The following ATP1A1 variants were observed in gnomAD, a reference collection of about 807,000 sequenced individuals.
ATP1A1 encodes the protein sodium/potassium-transporting ATPase subunit alpha-1.
ATP1A1 carries 14 observed loss-of-function variants against 114.8 expected under a neutral mutation model. The observed-to-expected ratio is 0.12, with a 90% confidence interval of 0.08 to 0.19. ATP1A1 has a LOEUF of 0.19. Ranked by LOEUF, ATP1A1 falls within the 10% of genes least tolerant of loss-of-function variation. The pLI is 1.00. For synonymous variants in ATP1A1, 471 were observed against 466.3 expected, an observed-to-expected ratio of 1.01 and a Z score of -0.13; for missense variants, 524 against 1,290.7, an observed-to-expected ratio of 0.41 and a Z score of 9.10.
chr1:116,390,477 A>C, intron 9 of ATP1A1, 66 bp downstream of exon 9: 1 of 1,463,088 alleles, frequency 6.8e-7, no homozygotes, highest in South Asian at 1.3e-5. Context: ...TTCTTTTAAG[A>C]AATTGCATGA....
At position 116,393,590 on chromosome 1, in the gene ATP1A1, C is replaced by T. The variant is rs367957404; in HGVS notation, c.1527C>T (p.Gly509=). The T allele has an allele frequency of 6.1e-5, 98 of 1,614,014 alleles. No homozygotes were observed. The African/African-American group carries it at 8.3e-4, about 14-fold the overall frequency. ...SEPQHLLVMK[G]APERILDRCS... is the part of the protein sequence containing the mutation. ...CCCAACACCTGTTGGTGATGAAGGG[C>T]GCCCCAGAAAGGATCCTAGACCGTT... The change falls in exon 12 of 23, where the codon GGC becomes GGT. Residue 509 remains glycine, a synonymous_variant. Coordinates refer to ENST00000295598, the MANE Select transcript of ATP1A1 (RefSeq NM_000701.8). The surrounding 1 kb of genome is among the most constrained non-coding windows in gnomAD (Gnocchi z 5.0).
intron 10 of ATP1A1, among the ~76,000 whole-genome samples, chr1:116,391,155 C>A (rs189711309): frequency 6.6e-6 from 1 of 152,150 alleles, no homozygotes; most frequent in African/African-American, 2.4e-5. Context: ...GGGGAGGAGA[C>A]GGAAGACAGT....
At position 116,401,105 on chromosome 1, in the gene ATP1A1, T is replaced by G; in HGVS notation, c.2719-25T>G. On this transcript the variant is annotated intron_variant, in intron 19 of 22. Transcript: ENST00000295598. The surrounding 1 kb of genome is among the most constrained non-coding windows in gnomAD (Gnocchi z 4.7). ...AGCCATGCAGGTGAAGAGCCAGAGC[T>G]CATCTTCTGTCTTCTGCATTTCAGA... 3 of 1,613,794 alleles carry G rather than the reference T, an allele frequency of 1.9e-6. No homozygotes were observed. Among genetic ancestry groups the G allele is most frequent in the Non-Finnish European group, 2.5e-6 (3 of 1,179,690 alleles).
At chr1:116,386,464 G>C (rs1652102302) in intron 3 of ATP1A1, among the ~76,000 whole-genome samples, 1 of 152,204 alleles carries the variant, frequency 6.6e-6, no homozygotes, top group African/African-American at 2.4e-5. Context: ...ACTGAATTCA[G>C]TTCCTGGCAT....
chr1:116,394,660 A>C (rs1652759475), intron 12 of ATP1A1, among the ~76,000 whole-genome samples: 1 of 152,176 alleles, frequency 6.6e-6, no homozygotes. Flanking sequence ...ATGATGTCCC[A>C]CATTGGTGCT....
intron 1 of ATP1A1, 48 bp downstream of exon 1, chr1:116,373,571 G>T: frequency 7.2e-7 from 1 of 1,395,630 alleles, no homozygotes; most frequent in Non-Finnish European, 9.3e-7. Flanking sequence ...GCCCTCGAGG[G>T]GAAGAGGAGG....
At chr1:116,396,446 TA>T (rs1652939825) in intron 13 of ATP1A1, 151 bp from the exon 14 acceptor site, 1 of 973,200 alleles carries the variant, frequency 1.0e-6, no homozygotes, top group East Asian at 2.9e-5. Flanking sequence ...TATTTTTGGC[TA>T]ATCGATGTTT....
At chr1:116,390,967 A>C (rs1320639701) in intron 10 of ATP1A1, 76 bp downstream of exon 10, 5 of 1,306,306 alleles carry the variant, frequency 3.8e-6, no homozygotes, top group Non-Finnish European at 5.5e-6. Context: ...AAAGTAGCAA[A>C]TTACCTTTGT....
At chr1:116,380,551 G>A (rs1337191443) in intron 1 of ATP1A1, among the ~76,000 whole-genome samples, 13 of 152,124 alleles carry the variant, frequency 8.5e-5, no homozygotes. Flanking sequence ...TTCTAAATCT[G>A]TCATATCTAT....
At chr1:116,375,310 TTTAACA>T (rs1301718590) in intron 1 of ATP1A1, among the ~76,000 whole-genome samples, 1 of 152,210 alleles carries the variant, frequency 6.6e-6, no homozygotes, top group African/African-American at 2.4e-5. Flanking sequence ...GCATTTACTC[TTTAACA>T]TTGAGTTCTT....
intron 1 of ATP1A1, among the ~76,000 whole-genome samples, chr1:116,378,089 T>G (rs888850349): frequency 9.9e-5 from 15 of 152,234 alleles, no homozygotes; most frequent in African/African-American, 3.4e-4. Context: ...CCTCATTAGT[T>G]GTGCTGAAAT....
intron 21 of ATP1A1, among the ~76,000 whole-genome samples, chr1:116,402,585 A>G (rs1417626810): frequency 2.0e-5 from 3 of 151,106 alleles, no homozygotes; most frequent in African/African-American, 7.4e-5. Context: ...TGGCATCCAG[A>G]GTCAGTCTCA....
At chr1:116,402,408 A>T (rs1653563849) in intron 21 of ATP1A1, among the ~76,000 whole-genome samples, 1 of 152,176 alleles carries the variant, frequency 6.6e-6, no homozygotes, top group African/African-American at 2.4e-5. Flanking sequence ...GTCTCCTTTG[A>T]ATTCCTGCTG....
chr1:116,376,403 T>C (rs574110399), intron 1 of ATP1A1, among the ~76,000 whole-genome samples: 2 of 152,184 alleles, frequency 1.3e-5, no homozygotes, highest in South Asian at 2.1e-4. Flanking sequence ...GCTAGTACTT[T>C]AGACTTAAAG....
chr1:116,389,424 C>A lies in ATP1A1; in HGVS notation c.755-15C>A. 6.2e-7 allele frequency: 1 copy of A among 1,613,260 alleles called. No individual in the cohort carries two copies. The highest frequency in any genetic ancestry group is 1.1e-5 in the South Asian group (1 of 91,070). The stretch of plus-strand genomic sequence containing the variant: ...GATACAATTAGGTACAGTTCTCCCT[C>A]CCCTTCTTTTTAAGGCACCGCACGT... On this transcript the variant is annotated splice_polypyrimidine_tract_variant and intron_variant, in intron 7 of 22. Transcript: ENST00000295598. This position sits in a 1 kb window ranked among gnomAD's most constrained non-coding sequence, Gnocchi z 6.9.
In ATP1A1 at chr1:116,404,541, A is replaced by G. The variant is rs1377076095; in HGVS notation, c.*97A>G. ...CTTCAGTCTTGGAGTTTGGAACTCTACCCTGGTAGGAAAGCACCGCAGCAT... is the reference window on the plus strand; with the variant it reads ...CTTCAGTCTTGGAGTTTGGAACTCTGCCCTGGTAGGAAAGCACCGCAGCAT... On this transcript the variant is annotated 3_prime_UTR_variant, in exon 23 of 23. Coordinates refer to ENST00000295598, the MANE Select transcript of ATP1A1 (RefSeq NM_000701.8). The surrounding 1 kb of genome is among the most constrained non-coding windows in gnomAD (Gnocchi z 4.8). The G allele has an allele frequency of 1.3e-6, 2 of 1,488,882 alleles. No individual in the cohort carries two copies. Among genetic ancestry groups the G allele is most frequent in the Non-Finnish European group, 1.8e-6 (2 of 1,123,526 alleles). The allele number at this position is 1,488,882 out of a possible 1,614,324, so 92.2% of individuals were successfully genotyped here. A position where few individuals can be genotyped will look rare whatever the true frequency, so the allele number is the denominator to read the frequency against.
rs1448343202 is a variant in ATP1A1 at position 116,389,727 on chromosome 1, C to T, written c.1023+20C>T. ...GTCACGGTAAGAGGCAGGTGATGGT[C>T]ACCCTGACTCAGATCAGCTTGCACG... On this transcript the variant is annotated intron_variant, in intron 8 of 22. Coordinates refer to ENST00000295598, the MANE Select transcript of ATP1A1 (RefSeq NM_000701.8). This position sits in a 1 kb window ranked among gnomAD's most constrained non-coding sequence, Gnocchi z 6.9. The T allele has an allele frequency of 6.2e-7, 1 of 1,613,142 alleles. No individual in the cohort carries two copies. Among genetic ancestry groups the T allele is most frequent in the East Asian group, 2.2e-5 (1 of 44,862 alleles).
At chr1:116,383,182 C>G in intron 1 of ATP1A1, 1 of 172,126 alleles carries the variant, frequency 5.8e-6, no homozygotes, top group Non-Finnish European at 1.2e-5. Flanking sequence ...TTCCTACATC[C>G]TGCTTATGTC....
At chr1:116,375,725 C>A (rs1651320476) in intron 1 of ATP1A1, among the ~76,000 whole-genome samples, 1 of 152,132 alleles carries the variant, frequency 6.6e-6, no homozygotes, top group African/African-American at 2.4e-5. Flanking sequence ...AAGAATATTT[C>A]ATGTTGGGAT....
Sources: allele counts gnomAD v4.1 joint callset (sites outside exome capture counted in the v4.1 genomes callset), GRCh38; gene constraint gnomAD v4.1.1; non-coding constraint Gnocchi (gnomAD v3.1); transcripts MANE v1.5; gene names NCBI Gene and HGNC (gene_info 2026-07-23, HGNC 2026-07-21).